Variants in MDGA2 observed in about 807,000 individuals in gnomAD.
MDGA2 encodes the protein MAM domain-containing glycosylphosphatidylinositol anchor protein 2.
MDGA2 carries 40 observed loss-of-function variants against 117.8 expected under a neutral mutation model. The ratio of observed to expected loss-of-function variants is 0.34; its 90% CI spans 0.26 to 0.44. MDGA2 has a LOEUF of 0.44. Among genes scored for constraint, MDGA2 ranks in the 20% least tolerant of loss-of-function variants. The pLI is 1.00. For synonymous variants in MDGA2, 452 were observed against 439.0 expected (o/e 1.03, Z -0.37); for missense variants, 1,123 against 1,250.6 (o/e 0.90, Z 1.54).
chr14:47,538,173 A>G (rs1050685327), intron 1 of MDGA2, among the ~76,000 whole-genome samples: 3 of 152,206 alleles, frequency 2.0e-5, no homozygotes, highest in African/African-American at 4.8e-5. Flanking sequence ...CTGTGCTAGC[A>G]CGTTGTAACC....
At chr14:46,969,929 ATT>A (rs1886191252) in intron 8 of MDGA2, among the ~76,000 whole-genome samples, 2 of 102,752 alleles carry the variant, frequency 1.9e-5, no homozygotes, top group African/African-American at 7.7e-5. Flanking sequence ...AACTTAAAGT[ATT>A]CCATATATAT....
chr14:47,015,850 A>G (rs1566575759), intron 8 of MDGA2, among the ~76,000 whole-genome samples: 1 of 152,082 alleles, frequency 6.6e-6, no homozygotes, highest in Non-Finnish European at 1.5e-5. Flanking sequence ...CAAAATGCAG[A>G]ATTACAGAAA....
chr14:47,576,078 C>A (rs953479368), intron 1 of MDGA2, among the ~76,000 whole-genome samples: 9 of 152,144 alleles, frequency 5.9e-5, no homozygotes, highest in African/African-American at 2.2e-4. Context: ...AAGTACAAAT[C>A]TGAATGTCAA....
intron 1 of MDGA2, among the ~76,000 whole-genome samples, chr14:47,400,089 G>GA (rs1403234567): frequency 2.0e-5 from 3 of 151,974 alleles, no homozygotes; most frequent in African/African-American, 4.8e-5. Context: ...ATCATAAACA[G>GA]AAAAAAAATT....
chr14:47,253,961 G>A (rs1887532156), intron 2 of MDGA2, among the ~76,000 whole-genome samples: 1 of 152,244 alleles, frequency 6.6e-6, no homozygotes, highest in South Asian at 2.1e-4. Context: ...CCAAGGCTTG[G>A]GGCTTGCACC....
Position 46,841,892 on chromosome 14 carries a change from G to T in MDGA2, c.*39C>A. The T allele has an allele frequency of 1.5e-6, 2 of 1,355,702 alleles. No individual in the cohort carries two copies. Among genetic ancestry groups the T allele is most frequent in the Non-Finnish European group, 2.1e-6 (2 of 959,794 alleles). The allele number at this position is 1,355,702 out of a possible 1,614,324, so 84.0% of individuals were successfully genotyped here. On this transcript the variant is annotated 3_prime_UTR_variant, in exon 17 of 17. Coordinates refer to ENST00000399232, the MANE Select transcript of MDGA2 (RefSeq NM_001113498.3). The stretch of plus-strand genomic sequence containing the variant: ...TTACAAAGACTCTTTCTTCATGCCA[G>T]TGCCTGGTGAATCTTTTATAGCCTC...
At chr14:47,498,634 T>C (rs555737566) in intron 1 of MDGA2, among the ~76,000 whole-genome samples, 17 of 151,988 alleles carry the variant, frequency 1.1e-4, no homozygotes, top group Non-Finnish European at 1.9e-4. Flanking sequence ...CACACTCAAG[T>C]CAGGAAAAAA....
chr14:47,280,956 A>C (rs1888467172), intron 2 of MDGA2, among the ~76,000 whole-genome samples: 1 of 147,958 alleles, frequency 6.8e-6, no homozygotes, highest in Non-Finnish European at 1.5e-5. Context: ...AATATAATAT[A>C]TAAGGTATAT....
intron 1 of MDGA2, among the ~76,000 whole-genome samples, chr14:47,574,091 T>C (rs1896070122): frequency 6.6e-6 from 1 of 152,178 alleles, no homozygotes. Context: ...GGCAAGTTCT[T>C]ATGGAGAAGA....
chr14:47,260,786 C>A (rs1887769353), intron 2 of MDGA2, among the ~76,000 whole-genome samples: 3 of 152,024 alleles, frequency 2.0e-5, no homozygotes, highest in South Asian at 4.1e-4. Flanking sequence ...ACTCCTCAAT[C>A]AAACCTACAT....
At chr14:46,910,288 C>T (rs1883648983) in intron 10 of MDGA2, among the ~76,000 whole-genome samples, 1 of 152,084 alleles carries the variant, frequency 6.6e-6, no homozygotes. Flanking sequence ...TCTCAAATTT[C>T]CAATGCAGCA....
At chr14:46,912,032 T>C (rs1255061159) in intron 10 of MDGA2, among the ~76,000 whole-genome samples, 1 of 152,002 alleles carries the variant, frequency 6.6e-6, no homozygotes, top group Non-Finnish European at 1.5e-5. Flanking sequence ...ATTCACCTCA[T>C]GGGCTCATGT....
chr14:47,158,219 G>T (rs1222197916), intron 3 of MDGA2, among the ~76,000 whole-genome samples: 1 of 152,152 alleles, frequency 6.6e-6, no homozygotes, highest in African/African-American at 2.4e-5. Flanking sequence ...GTAGAGGTTT[G>T]TGGTCTAGGG....
At chr14:46,925,975 C>A (rs2138529358) in intron 9 of MDGA2, among the ~76,000 whole-genome samples, 1 of 152,252 alleles carries the variant, frequency 6.6e-6, no homozygotes, top group East Asian at 1.9e-4. Flanking sequence ...CAGTGCCCAC[C>A]TTTCCTACCA....
intron 5 of MDGA2, among the ~76,000 whole-genome samples, chr14:47,117,110 C>A (rs947992393): frequency 3.9e-5 from 6 of 151,970 alleles, no homozygotes; most frequent in African/African-American, 1.2e-4. Context: ...AAGATTTGAA[C>A]AGACATTCTC....
chr14:47,300,226 T>C (rs959003246), intron 2 of MDGA2, among the ~76,000 whole-genome samples: 1 of 152,198 alleles, frequency 6.6e-6, no homozygotes. Flanking sequence ...GCTGGATTTC[T>C]TTTTTCCTGT....
chr14:47,281,696 T>G (rs916451878), intron 2 of MDGA2, among the ~76,000 whole-genome samples: 1 of 152,176 alleles, frequency 6.6e-6, no homozygotes, highest in Non-Finnish European at 1.5e-5. Flanking sequence ...TTTTTAGGTG[T>G]TGTAAAATGC....
chr14:47,213,102 A>T (rs941611361), intron 3 of MDGA2, among the ~76,000 whole-genome samples: 7 of 152,098 alleles, frequency 4.6e-5, no homozygotes, highest in Admixed American at 6.6e-5. Context: ...AAATAGATAA[A>T]AGTAGTATCC....
intron 1 of MDGA2, among the ~76,000 whole-genome samples, chr14:47,615,850 C>T (rs935589283): frequency 1.3e-5 from 2 of 152,072 alleles, no homozygotes; most frequent in African/African-American, 4.8e-5. Context: ...GATACTGACC[C>T]CAGAACTGAG....
Sources: allele counts gnomAD v4.1 joint callset (sites outside exome capture counted in the v4.1 genomes callset), GRCh38; gene constraint gnomAD v4.1.1; transcripts MANE v1.5; gene names NCBI Gene and HGNC (gene_info 2026-07-23, HGNC 2026-07-21).